The following GRK3 variants were observed in gnomAD, a reference collection of about 807,000 sequenced individuals.
GRK3 encodes the protein adrenergic, beta, receptor kinase 2.
In GRK3, 54 loss-of-function variants were observed where a neutral mutation model predicts 95.7. The observed-to-expected ratio is 0.56, with a 90% CI of 0.45 to 0.71. The LOEUF (loss-of-function observed/expected upper bound fraction) is 0.71, where lower values mean the gene tolerates loss of function less well. Ranked by LOEUF, GRK3 falls within the 30% of genes least tolerant of loss-of-function variation. The probability of loss-of-function intolerance (pLI) is 0.00; values close to 1 mark genes in which losing one functional copy is unlikely to be tolerated. For missense variants in GRK3, 649 were observed against 851.2 expected (o/e 0.76, Z 2.96); for synonymous variants, 281 against 290.8 (o/e 0.97, Z 0.34).
chr22:25,694,594 C>T (rs1035163987), intron 12 of GRK3, among the ~76,000 whole-genome samples: 4 of 152,202 alleles, frequency 2.6e-5, no homozygotes, highest in African/African-American at 9.7e-5. Context: ...TCCTTCTTTC[C>T]CATCCCCCTG....
chr22:25,621,267 G>A (rs1008587527), intron 2 of GRK3, among the ~76,000 whole-genome samples: 1 of 152,210 alleles, frequency 6.6e-6, no homozygotes, highest in Non-Finnish European at 1.5e-5. Context: ...TTCCCCTTTG[G>A]GGGTCTGTGA....
chr22:25,713,041 A>G (rs1025672894), intron 17 of GRK3, among the ~76,000 whole-genome samples: 9 of 152,242 alleles, frequency 5.9e-5, no homozygotes, highest in African/African-American at 2.2e-4. Context: ...TTTTAAAAAA[A>G]TTCATTTTCA....
At chr22:25,714,721 A>T in intron 18 of GRK3, 151 bp downstream of exon 18, 1 of 715,888 alleles carries the variant, frequency 1.4e-6, no homozygotes, top group Admixed American at 3.1e-5. Context: ...GGCTTGGAAG[A>T]GCTCAGTCTA....
chr22:25,573,904 A>AT (rs1286623545), intron 1 of GRK3, among the ~76,000 whole-genome samples: 1 of 148,412 alleles, frequency 6.7e-6, no homozygotes, highest in Non-Finnish European at 1.5e-5. Flanking sequence ...TGTCTCAAAC[A>AT]AAGAAACAAA....
At chr22:25,670,445 G>A (rs907480613) in intron 6 of GRK3, among the ~76,000 whole-genome samples, 3 of 151,898 alleles carry the variant, frequency 2.0e-5, no homozygotes, top group African/African-American at 4.8e-5. Context: ...GGGTTGTATC[G>A]ACCTAGGATT....
chr22:25,636,725 C>T lies in GRK3; in HGVS notation c.191-7867C>T, dbSNP rs138519252. Among the ~76,000 whole-genome samples the T allele has an allele frequency of 6.0e-3, 918 of 152,174 alleles. 15 individuals are homozygous for T. The highest frequency in any genetic ancestry group is 0.021 in the African/African-American group (865 of 41,512). ...TCCCAGTCAATTTCATGTTCATAGA[C>T]GCAAGCATTTTTCTGATTTTTTTTT... is the stretch of plus-strand genomic sequence containing the variant. On this transcript the variant is annotated intron_variant, in intron 2 of 20. Transcript: ENST00000324198.
At chr22:25,642,290 G>A (rs775291200) in intron 2 of GRK3, among the ~76,000 whole-genome samples, 6 of 152,062 alleles carry the variant, frequency 3.9e-5, no homozygotes, top group Non-Finnish European at 7.4e-5. Flanking sequence ...AAAATTAGCC[G>A]GCCATGATCG....
In GRK3 at chr22:25,711,174, G is replaced by C. The variant is rs549579735; in HGVS notation, c.1491+11G>C. On this transcript the variant is annotated intron_variant, in intron 17 of 20. Coordinates refer to ENST00000324198, the MANE Select transcript of GRK3 (RefSeq NM_005160.4). Reference sequence around the variant, plus strand: ...ACCAAAGGGATTAAGGTACACATGTGATCATTTATTTCTTTATTTTTATTT... The same window carrying C: ...ACCAAAGGGATTAAGGTACACATGTCATCATTTATTTCTTTATTTTTATTT... 3.9e-5 allele frequency: 60 copies of C among 1,540,850 alleles called. No individual in the cohort carries two copies. In the South Asian group the frequency reaches 6.9e-4, roughly 18 times the overall value.
chr22:25,671,767 TTTGTC>T (rs2084984675), intron 6 of GRK3, among the ~76,000 whole-genome samples: 1 of 152,242 alleles, frequency 6.6e-6, no homozygotes, highest in Admixed American at 6.5e-5. Context: ...ACATTAATTT[TTTGTC>T]TTAGAGCTGT....
intron 1 of GRK3, among the ~76,000 whole-genome samples, chr22:25,593,987 G>C (rs1467512833): frequency 6.6e-6 from 1 of 152,158 alleles, no homozygotes; most frequent in African/African-American, 2.4e-5. Context: ...TCAGCACTAT[G>C]CTGTTTTGGT....
intron 1 of GRK3, among the ~76,000 whole-genome samples, chr22:25,566,186 A>AT (rs1931474467): frequency 6.6e-6 from 1 of 152,148 alleles, no homozygotes; most frequent in African/African-American, 2.4e-5. Context: ...AGCTAATGTG[A>AT]TTCCTTGATG....
intron 1 of GRK3, among the ~76,000 whole-genome samples, chr22:25,592,518 T>A (rs984738264): frequency 1.3e-5 from 2 of 152,188 alleles, no homozygotes; most frequent in Non-Finnish European, 2.9e-5. Context: ...TTATTCATGT[T>A]TTTGCTCTCA....
At chr22:25,634,318 G>A (rs1326329866) in intron 2 of GRK3, among the ~76,000 whole-genome samples, 1 of 152,170 alleles carries the variant, frequency 6.6e-6, no homozygotes, top group Non-Finnish European at 1.5e-5. Flanking sequence ...AGTATGGTCA[G>A]TGGGGCTGTC....
intron 11 of GRK3, 98 bp downstream of exon 11, chr22:25,687,765 A>T: frequency 1.5e-6 from 2 of 1,371,348 alleles, no homozygotes; most frequent in Non-Finnish European, 2.0e-6. Flanking sequence ...CATTTTCCTC[A>T]TAGCCCTCAT....
intron 3 of GRK3, among the ~76,000 whole-genome samples, chr22:25,657,143 C>G (rs967543054): frequency 2.0e-5 from 3 of 152,082 alleles, no homozygotes; most frequent in Admixed American, 2.0e-4. Context: ...ACATTTTATT[C>G]TAATGCCCGT....
At chr22:25,615,347 G>A (rs545046841) in intron 2 of GRK3, among the ~76,000 whole-genome samples, 34 of 152,192 alleles carry the variant, frequency 2.2e-4, no homozygotes, top group Admixed American at 2.2e-3. Context: ...ACTGACAGTG[G>A]GGGACGATGG....
At chr22:25,651,487 A>G (rs534284968) in intron 3 of GRK3, among the ~76,000 whole-genome samples, 2 of 152,360 alleles carry the variant, frequency 1.3e-5, no homozygotes, top group South Asian at 4.1e-4. Context: ...TTCTGTTTAC[A>G]TAACCTGCTT....
intron 2 of GRK3, among the ~76,000 whole-genome samples, chr22:25,641,303 C>A (rs986089261): frequency 6.6e-6 from 1 of 152,152 alleles, no homozygotes; most frequent in African/African-American, 2.4e-5. Context: ...TTCCCTCATC[C>A]CTCCTCTTTC....
chr22:25,608,639 G>A (rs551044787), intron 2 of GRK3, among the ~76,000 whole-genome samples: 6 of 152,348 alleles, frequency 3.9e-5, no homozygotes, highest in Non-Finnish European at 8.8e-5. Flanking sequence ...GCCCTGGCTG[G>A]CAGCAGCGAG....
Sources: allele counts gnomAD v4.1 joint callset (sites outside exome capture counted in the v4.1 genomes callset), GRCh38; gene constraint gnomAD v4.1.1; transcripts MANE v1.5; gene names NCBI Gene and HGNC (gene_info 2026-07-23, HGNC 2026-07-21).